Variants in ENPP6 observed in about 807,000 individuals in gnomAD.
ENPP6 encodes the protein glycerophosphocholine cholinephosphodiesterase ENPP6.
A neutral mutation model predicts 42.0 loss-of-function variants in ENPP6; 32 were observed. The observed-to-expected ratio is 0.76, with a 90% CI of 0.58 to 1.02. ENPP6 has a LOEUF of 1.02. Among genes scored for constraint, ENPP6 ranks in the 50% least tolerant of loss-of-function variants. ENPP6 has a pLI of 0.00. For synonymous variants in ENPP6, 213 were observed against 216.0 expected (o/e 0.99, Z 0.12); for missense variants, 552 against 566.8 (o/e 0.97, Z 0.27).
rs138463843 is a variant in ENPP6 at position 184,117,868 on chromosome 4, T to C, written c.566A>G (p.His189Arg). Residue 189 changes from histidine (H) to arginine (R), a missense_variant, in exon 4 of 8, where the codon CAT becomes CGT. By Grantham distance (29) the His-to-Arg change is conservative (BLOSUM62 0). Coordinates refer to ENST00000296741, the MANE Select transcript of ENPP6 (RefSeq NM_153343.4). ...GTGGCCTTCCACGTCAATGCGCTCATGGTATATGGCTGCCAGGTCGGCCCG... is the reference window on the plus strand; with the variant it reads ...GTGGCCTTCCACGTCAATGCGCTCACGGTATATGGCTGCCAGGTCGGCCCG... ...SGRADLAAIY[H>R]ERIDVEGHHY... 5.0e-6 allele frequency: 8 copies of C among 1,614,176 alleles called. No individual in the cohort carries two copies. In the African/African-American group the frequency reaches 6.7e-5, roughly 13 times the overall value.
In ENPP6 at chr4:184,209,344, T is replaced by C. The variant is rs557586699; in HGVS notation, c.241+8235A>G. On this transcript the variant is annotated intron_variant, in intron 1 of 7. Coordinates refer to ENST00000296741, the MANE Select transcript of ENPP6 (RefSeq NM_153343.4). ...AAGAAGTTGAAAACTTTGAAAAAAA[T>C]TTAGAAGAATGTATAACTAGAATAA... Among the ~76,000 whole-genome samples the C allele has an allele frequency of 2.3e-4, 34 of 146,764 alleles. 1 individual carries two copies. The East Asian group carries it at 6.9e-3, about 30-fold the overall frequency.
intron 2 of ENPP6, among the ~76,000 whole-genome samples, chr4:184,130,522 C>T (rs6845659): frequency 0.036 from 2,787 of 77,556 alleles, 961 homozygotes; most frequent in African/African-American, 0.13. Context: ...CACACCACTG[C>T]ACTCCAGCCT....
At chr4:184,132,303 T>C (rs972703058) in intron 2 of ENPP6, among the ~76,000 whole-genome samples, 2 of 152,192 alleles carry the variant, frequency 1.3e-5, no homozygotes, top group Admixed American at 6.5e-5. Context: ...GCTTTTTTTT[T>C]TGCTACCAAG....
intron 1 of ENPP6, among the ~76,000 whole-genome samples, chr4:184,168,902 C>T (rs1044611764): frequency 3.3e-5 from 5 of 152,144 alleles, no homozygotes; most frequent in East Asian, 1.9e-4. Context: ...TGCTGTGCCC[C>T]CCGCTTCCTC....
At chr4:184,169,540 G>A (rs1405048632) in intron 1 of ENPP6, among the ~76,000 whole-genome samples, 1 of 152,132 alleles carries the variant, frequency 6.6e-6, no homozygotes, top group Non-Finnish European at 1.5e-5. Flanking sequence ...TGCTTCCTTT[G>A]CCTGTCCCTG....
intron 1 of ENPP6, among the ~76,000 whole-genome samples, chr4:184,202,321 A>G (rs1319031744): frequency 6.6e-6 from 1 of 152,162 alleles, no homozygotes; most frequent in Non-Finnish European, 1.5e-5. Flanking sequence ...GTATTCACTC[A>G]TCAGCCAATC....
rs1735754287 is a variant in ENPP6 at position 184,089,704 on chromosome 4, CT to C, written c.*1472del. On this transcript the variant is annotated 3_prime_UTR_variant, in exon 8 of 8. Coordinates refer to ENST00000296741, the MANE Select transcript of ENPP6 (RefSeq NM_153343.4). ...GTCGCCCTGTGTTGCCCAAGTTAGT[CT>C]GGAACTCCTGGCCTCAAGGGTTCGT... is the stretch of plus-strand genomic sequence containing the variant. 1 of 152,096 alleles carries C rather than the reference CT, an allele frequency of 6.6e-6. No homozygotes were observed. Among genetic ancestry groups the C allele is most frequent in the South Asian group, 2.1e-4 (1 of 4,822 alleles). 9.4% of individuals were successfully genotyped at this position (152,096 alleles called of 1,614,324 possible).
chr4:184,185,132 A>G (rs955160084), intron 1 of ENPP6, among the ~76,000 whole-genome samples: 16 of 152,228 alleles, frequency 1.1e-4, no homozygotes, highest in Admixed American at 1.0e-3. Flanking sequence ...TATTAAATGT[A>G]TACTAAACTG....
At chr4:184,153,250 C>T (rs1371712822) in intron 2 of ENPP6, among the ~76,000 whole-genome samples, 10 of 151,816 alleles carry the variant, frequency 6.6e-5, no homozygotes, top group African/African-American at 1.7e-4. Flanking sequence ...CTCAGCCTCC[C>T]GAGTAGCTTG....
chr4:184,169,082 G>A (rs899746287), intron 1 of ENPP6, among the ~76,000 whole-genome samples: 2 of 152,050 alleles, frequency 1.3e-5, no homozygotes, highest in South Asian at 2.1e-4. Context: ...ATTTGTAATG[G>A]TCACTGCAGT....
chr4:184,208,392 C>T lies in ENPP6; in HGVS notation c.241+9187G>A, dbSNP rs576471013. Among the ~76,000 whole-genome samples, 503 of 152,250 alleles carry T rather than the reference C, an allele frequency of 3.3e-3. 3 individuals carry two copies. The highest frequency in any genetic ancestry group is 0.012 in the African/African-American group (482 of 41,550). The stretch of plus-strand genomic sequence containing the variant: ...GGTCAGTGGGTGCGCGCACCCTGCG[C>T]GAGCCGAAGCGGGGCGAGGCATTGC... On this transcript the variant is annotated intron_variant, in intron 1 of 7. Transcript: ENST00000296741.
rs911435307 is a variant in ENPP6, at chr4:184,171,219, CTGGCT to C, written c.242-17491_242-17487del. Among the ~76,000 whole-genome samples, 52 of 152,352 alleles carry C rather than the reference CTGGCT, an allele frequency of 3.4e-4. 1 individual carries two copies. The highest frequency in any genetic ancestry group is 1.2e-3 in the African/African-American group (50 of 41,582). On this transcript the variant is annotated intron_variant, in intron 1 of 7. Transcript: ENST00000296741. ...TGGAAGGATCTGCAGGCAGTTGATG[CTGGCT>C]GCTGGCTGAGACCTTAGCTGGGTTG...
chr4:184,142,928 C>T (rs913523714), intron 2 of ENPP6, among the ~76,000 whole-genome samples: 18 of 152,320 alleles, frequency 1.2e-4, no homozygotes, highest in Admixed American at 5.9e-4. Context: ...TGAATGACCA[C>T]GACTGGAATT....
chr4:184,141,841 T>C (rs886676817), intron 2 of ENPP6, among the ~76,000 whole-genome samples: 1 of 152,234 alleles, frequency 6.6e-6, no homozygotes, highest in Non-Finnish European at 1.5e-5. Flanking sequence ...GAAAATTATT[T>C]TGATACACTT....
intron 2 of ENPP6, among the ~76,000 whole-genome samples, chr4:184,131,259 T>TTTCTCTTTCTTTCTTTCCTTCTTC (rs1553996065): frequency 1.4e-5 from 1 of 73,278 alleles, no homozygotes; most frequent in Non-Finnish European, 2.8e-5. Context: ...TTTCTCTTTC[T>TTTCTCTTTCTTTCTTTCCTTCTTC]CTTCCTTCCT....
rs369200998 is a variant in ENPP6 at position 184,169,679 on chromosome 4, G to A, written c.242-15946C>T. On this transcript the variant is annotated intron_variant, in intron 1 of 7. Coordinates refer to ENST00000296741, the MANE Select transcript of ENPP6 (RefSeq NM_153343.4). ...CCACTATAGATGAAGGCTCTAGGCCGCAGTTGAGGCTTCTGAGTACTGGGC... is the reference window on the plus strand; with the variant it reads ...CCACTATAGATGAAGGCTCTAGGCCACAGTTGAGGCTTCTGAGTACTGGGC... Among the ~76,000 whole-genome samples the A allele has an allele frequency of 1.6e-4, 25 of 152,346 alleles. No individual in the cohort carries two copies. The South Asian group carries it at 2.5e-3, about 15-fold the overall frequency.
chr4:184,136,619 A>T (rs1365815222), intron 2 of ENPP6, among the ~76,000 whole-genome samples: 1 of 152,206 alleles, frequency 6.6e-6, no homozygotes, highest in Non-Finnish European at 1.5e-5. Flanking sequence ...TTGATATAGA[A>T]TTTTACGTTG....
chr4:184,125,810 G>C (rs1736494668), intron 2 of ENPP6, among the ~76,000 whole-genome samples: 1 of 152,168 alleles, frequency 6.6e-6, no homozygotes, highest in Non-Finnish European at 1.5e-5. Context: ...AATAAATACT[G>C]CTCATGACTT....
intron 1 of ENPP6, among the ~76,000 whole-genome samples, chr4:184,174,134 CCT>C (rs1491570897): frequency 7.9e-6 from 1 of 127,042 alleles, no homozygotes; most frequent in African/African-American, 3.1e-5. Context: ...GGTCCCAAAT[CCT>C]TTTTTTTTTT....
Sources: gnomAD v4.1 joint callset for allele counts (sites outside exome capture counted in the v4.1 genomes callset) on GRCh38, gnomAD v4.1.1 for gene constraint, MANE v1.5 for transcripts, NCBI Gene and HGNC (gene_info 2026-07-23, HGNC 2026-07-21) for gene names.